The following GABRA2 variants were observed in gnomAD, a reference collection of about 807,000 sequenced individuals.
The protein encoded by GABRA2 is gamma-aminobutyric acid type A receptor subunit alpha2.
A neutral mutation model predicts 48.7 loss-of-function variants in GABRA2; 16 were observed. The observed-to-expected ratio is 0.33, with a 90% CI of 0.22 to 0.50. The LOEUF (loss-of-function observed/expected upper bound fraction) is 0.50. GABRA2 is among the 20% of genes least tolerant of loss of function. The pLI is 0.98. For synonymous variants in GABRA2, 185 were observed against 184.5 expected (o/e 1.00, Z -0.02); for missense variants, 275 against 535.6 (o/e 0.51, Z 4.80).
intron 8 of GABRA2, among the ~76,000 whole-genome samples, chr4:46,295,032 C>A (rs1258697906): frequency 6.6e-6 from 1 of 152,192 alleles, no homozygotes; most frequent in Non-Finnish European, 1.5e-5. Context: ...TCTCTCTGCA[C>A]CGATGGCCTC....
intron 3 of GABRA2, among the ~76,000 whole-genome samples, chr4:46,341,968 T>C (rs1245125952): frequency 6.6e-6 from 1 of 151,952 alleles, no homozygotes; most frequent in Non-Finnish European, 1.5e-5. Flanking sequence ...TCAAGTCAAA[T>C]AAAGATGAGC....
At chr4:46,355,150 A>G (rs1735761181) in intron 3 of GABRA2, among the ~76,000 whole-genome samples, 1 of 152,148 alleles carries the variant, frequency 6.6e-6, no homozygotes, top group East Asian at 1.9e-4. Flanking sequence ...TATCAGTGCT[A>G]AAAATTTATA....
intron 3 of GABRA2, among the ~76,000 whole-genome samples, chr4:46,351,593 A>G (rs71611977): frequency 0.026 from 3,911 of 152,118 alleles, 63 homozygotes; most frequent in South Asian, 0.042. Flanking sequence ...TATATTTTCT[A>G]CAGACAAAAT....
chr4:46,374,138 T>C (rs529268213), intron 3 of GABRA2, among the ~76,000 whole-genome samples: 1 of 152,290 alleles, frequency 6.6e-6, no homozygotes, highest in East Asian at 1.9e-4. Context: ...CTGAATTCTA[T>C]TGTAATGAAC....
chr4:46,295,120 C>T (rs1465043937), intron 8 of GABRA2, among the ~76,000 whole-genome samples: 4 of 152,202 alleles, frequency 2.6e-5, no homozygotes, highest in South Asian at 2.1e-4. Context: ...GCATGATATG[C>T]AGGCACCACT....
chr4:46,294,220 T>C (rs73131382), intron 8 of GABRA2, among the ~76,000 whole-genome samples: 7,752 of 152,324 alleles, frequency 0.051, 671 homozygotes, highest in African/African-American at 0.18. Context: ...GATTACACTA[T>C]GCTGATTGCA....
intron 8 of GABRA2, among the ~76,000 whole-genome samples, chr4:46,288,330 GTTGT>G (rs1722950626): frequency 6.6e-6 from 1 of 152,122 alleles, no homozygotes; most frequent in Non-Finnish European, 1.5e-5. Context: ...ATTTGCTGAA[GTTGT>G]TTCTTAGCTT....
At chr4:46,322,484 A>G (rs762121963) in intron 4 of GABRA2, among the ~76,000 whole-genome samples, 14 of 151,940 alleles carry the variant, frequency 9.2e-5, no homozygotes, top group Non-Finnish European at 1.9e-4. Flanking sequence ...GCACCCCTCT[A>G]TGCTGCCACA....
intron 8 of GABRA2, among the ~76,000 whole-genome samples, chr4:46,265,825 T>G (rs1310834214): frequency 6.6e-6 from 1 of 152,014 alleles, no homozygotes; most frequent in African/African-American, 2.4e-5. Context: ...AGATACAAAT[T>G]TCTCTTTAAG....
intron 6 of GABRA2, among the ~76,000 whole-genome samples, chr4:46,306,321 C>A (rs1726692180): frequency 6.6e-6 from 1 of 152,200 alleles, no homozygotes; most frequent in African/African-American, 2.4e-5. Flanking sequence ...CTAGCCTACA[C>A]ATTCATAGCA....
At chr4:46,287,494 T>C (rs1276642126) in intron 8 of GABRA2, among the ~76,000 whole-genome samples, 21 of 150,782 alleles carry the variant, frequency 1.4e-4, no homozygotes, top group Admixed American at 1.1e-3. Flanking sequence ...ATGGATGAAA[T>C]TGGAAATCAT....
intron 8 of GABRA2, among the ~76,000 whole-genome samples, chr4:46,286,018 C>T (rs916281533): frequency 2.0e-5 from 3 of 152,012 alleles, no homozygotes; most frequent in African/African-American, 7.2e-5. Context: ...TATCCATTCA[C>T]AGTGTTCTGC....
intron 3 of GABRA2, among the ~76,000 whole-genome samples, chr4:46,361,032 A>T (rs1054807904): frequency 6.6e-6 from 1 of 152,242 alleles, no homozygotes; most frequent in African/African-American, 2.4e-5. Context: ...ATTCAGTTTT[A>T]AAATGAAAAC....
In GABRA2 at chr4:46,312,489, A is replaced by T; in HGVS notation, c.476+7T>A. The stretch of plus-strand genomic sequence containing the variant: ...ATAAATACATCACATCAAACCTAAA[A>T]ACATACCTCATGGTATACAGCAGAG... On this transcript the variant is annotated splice_region_variant and intron_variant, in intron 5 of 9. Transcript: ENST00000381620. 1 of 1,587,616 alleles carries T rather than the reference A, an allele frequency of 6.3e-7. No homozygotes were observed. The highest frequency in any genetic ancestry group is 1.1e-5 in the South Asian group (1 of 89,564).
At chr4:46,302,074 C>CT (rs58568555) in intron 8 of GABRA2, among the ~76,000 whole-genome samples, 11,949 of 145,228 alleles carry the variant, frequency 0.082, 1,117 homozygotes, top group East Asian at 0.24. Context: ...TCATTTTATT[C>CT]TTTTTTTTTT....
intron 3 of GABRA2, among the ~76,000 whole-genome samples, chr4:46,339,353 G>T (rs1187895476): frequency 6.6e-6 from 1 of 151,930 alleles, no homozygotes; most frequent in East Asian, 1.9e-4. Context: ...CTGTAAAATA[G>T]TATTTGTCTA....
At chr4:46,250,678 A>T in intron 9 of GABRA2, 74 bp from the exon 10 acceptor site, 1 of 1,112,920 alleles carries the variant, frequency 9.0e-7, no homozygotes, top group Non-Finnish European at 1.3e-6. Flanking sequence ...TCCACTTCAA[A>T]TTCTGAAGGA....
chr4:46,386,426 T>C (rs1322572837), intron 2 of GABRA2, among the ~76,000 whole-genome samples: 2 of 152,174 alleles, frequency 1.3e-5, no homozygotes, highest in African/African-American at 4.8e-5. Flanking sequence ...TTATTTGAGA[T>C]TCTTGCCCCT....
chr4:46,339,918 A>T (rs1732929145), intron 3 of GABRA2, among the ~76,000 whole-genome samples: 1 of 151,790 alleles, frequency 6.6e-6, no homozygotes, highest in Non-Finnish European at 1.5e-5. Flanking sequence ...CTACTTGGCT[A>T]TCTAGTAGAG....
Sources: allele counts gnomAD v4.1 joint callset (sites outside exome capture counted in the v4.1 genomes callset), GRCh38; gene constraint gnomAD v4.1.1; transcripts MANE v1.5; gene names NCBI Gene and HGNC (gene_info 2026-07-23, HGNC 2026-07-21).